Variants in ZNF385B observed in about 807,000 individuals in gnomAD.
The protein encoded by ZNF385B is zinc finger protein 385B.
A neutral mutation model predicts 39.2 loss-of-function variants in ZNF385B; 23 were observed. That is an observed-to-expected ratio of 0.59 (90% confidence interval 0.42 to 0.83). The LOEUF (loss-of-function observed/expected upper bound fraction) is 0.83. Among genes scored for constraint, ZNF385B ranks in the 40% least tolerant of loss-of-function variants. The probability of loss-of-function intolerance (pLI) is 0.00; values close to 1 mark genes in which losing one functional copy is unlikely to be tolerated. For synonymous variants in ZNF385B, 205 were observed against 222.6 expected (o/e 0.92, Z 0.70); for missense variants, 552 against 598.9 (o/e 0.92, Z 0.82).
chr2:179,483,172 C>T (rs1424124500), intron 6 of ZNF385B, 100 bp downstream of exon 6: 2 of 1,329,148 alleles, frequency 1.5e-6, no homozygotes, highest in Admixed American at 4.3e-5. Context: ...AAAAACAAAT[C>T]ATGGAGAGTA....
chr2:179,722,569 G>A (rs892144587), intron 3 of ZNF385B, among the ~76,000 whole-genome samples: 1 of 151,978 alleles, frequency 6.6e-6, no homozygotes, highest in African/African-American at 2.4e-5. Context: ...AAAATTGACT[G>A]CACAAAAACA....
intron 3 of ZNF385B, among the ~76,000 whole-genome samples, chr2:179,712,995 A>G (rs1226415239): frequency 1.3e-5 from 2 of 152,208 alleles, no homozygotes; most frequent in Non-Finnish European, 2.9e-5. Context: ...AGTGAGCCAC[A>G]GCATCCAGTC....
intron 5 of ZNF385B, among the ~76,000 whole-genome samples, chr2:179,502,296 T>C (rs1015600115): frequency 3.9e-5 from 6 of 152,124 alleles, no homozygotes; most frequent in Non-Finnish European, 8.8e-5. Flanking sequence ...GAAGGCATGA[T>C]TGTGCTTTGA....
intron 3 of ZNF385B, among the ~76,000 whole-genome samples, chr2:179,636,211 A>G (rs1691737042): frequency 6.6e-6 from 1 of 152,176 alleles, no homozygotes. Context: ...TTTCTCCTTT[A>G]CTGACTACAT....
chr2:179,570,343 C>T (rs980064050), intron 3 of ZNF385B, among the ~76,000 whole-genome samples: 4 of 152,126 alleles, frequency 2.6e-5, no homozygotes, highest in Non-Finnish European at 4.4e-5. Context: ...GTGATCTATT[C>T]TTTAATAAAA....
chr2:179,652,880 TTTCTAGA>T lies in ZNF385B; in HGVS notation c.299-107918_299-107912del, dbSNP rs548911677. Among the ~76,000 whole-genome samples, 19 of 150,438 alleles carry T rather than the reference TTTCTAGA, an allele frequency of 1.3e-4. No individual in the cohort carries two copies. In the East Asian group the frequency reaches 3.1e-3, roughly 25 times the overall value. On this transcript the variant is annotated intron_variant, in intron 3 of 9. Transcript: ENST00000410066. The stretch of plus-strand genomic sequence containing the variant: ...AAAAAAATCATCAGAAGATTAAGGA[TTTCTAGA>T]AGAGTCTCTGAGTTCTTAAAGTCTT...
intron 3 of ZNF385B, among the ~76,000 whole-genome samples, chr2:179,686,400 T>C (rs1045270524): frequency 6.6e-6 from 1 of 152,200 alleles, no homozygotes; most frequent in Non-Finnish European, 1.5e-5. Flanking sequence ...TTATAAAAAT[T>C]CAATAAAATT....
intron 3 of ZNF385B, among the ~76,000 whole-genome samples, chr2:179,723,346 C>T (rs866611521): frequency 2.0e-5 from 3 of 151,874 alleles, no homozygotes; most frequent in Non-Finnish European, 2.9e-5. Flanking sequence ...TATGTATATA[C>T]GTGAATGTTC....
chr2:179,596,170 T>G (rs1248147966), intron 3 of ZNF385B, among the ~76,000 whole-genome samples: 1 of 152,124 alleles, frequency 6.6e-6, no homozygotes, highest in African/African-American at 2.4e-5. Context: ...AGGTTAGAAG[T>G]CTGAGTGGGT....
At chr2:179,807,537 C>T (rs374926909) in intron 1 of ZNF385B, among the ~76,000 whole-genome samples, 2 of 152,154 alleles carry the variant, frequency 1.3e-5, no homozygotes, top group South Asian at 2.1e-4. Context: ...GAGCCAAGAT[C>T]TTACCACTGC....
chr2:179,484,376 C>G (rs2054336888), intron 5 of ZNF385B, among the ~76,000 whole-genome samples: 1 of 151,292 alleles, frequency 6.6e-6, no homozygotes, highest in African/African-American at 2.4e-5. Context: ...TGAAAAGAAA[C>G]AAAACTAAAC....
intron 3 of ZNF385B, among the ~76,000 whole-genome samples, chr2:179,694,637 G>T (rs1201837623): frequency 6.6e-6 from 1 of 152,104 alleles, no homozygotes; most frequent in Non-Finnish European, 1.5e-5. Context: ...GCTTTTGAAA[G>T]AAGACATCTG....
chr2:179,444,888 C>A lies in ZNF385B; in HGVS notation c.1230G>T (p.Pro410=). The change falls in exon 9 of 10, where the codon CCG becomes CCT. Residue 410 remains proline (P), a synonymous_variant. Coordinates refer to ENST00000410066, the MANE Select transcript of ZNF385B (RefSeq NM_152520.6). The part of the protein sequence containing the change: ...YSPYNKLQRS[P]SILAAKLAFQ... ...GAGGTAAACTTACTGCTAGAATACT[C>A]GGGCTCCGCTGGAGTTTGTTGTAAG... is the stretch of plus-strand genomic sequence containing the variant. 1 of 1,614,008 alleles carries A rather than the reference C, an allele frequency of 6.2e-7. No homozygotes were observed. The highest frequency in any genetic ancestry group is 1.1e-5 in the South Asian group (1 of 91,062).
chr2:179,600,807 C>G (rs1228020243), intron 3 of ZNF385B, among the ~76,000 whole-genome samples: 3 of 152,152 alleles, frequency 2.0e-5, no homozygotes, highest in African/African-American at 7.2e-5. Flanking sequence ...ATTTACTTTT[C>G]TTCCTCCATT....
chr2:179,572,239 A>AAGG lies in ZNF385B; in HGVS notation c.299-27271_299-27270insCCT, dbSNP rs1685303702. On this transcript the variant is annotated intron_variant, in intron 3 of 9. Transcript: ENST00000410066. ...GAATAAAAAAATCCATGTATTCAAA[A>AAGG]TCCAACTGATTTTCAACGATGGCTA... Among the ~76,000 whole-genome samples the AAGG allele has an allele frequency of 2.0e-4, 30 of 152,208 alleles. 1 individual carries two copies. The highest frequency in any genetic ancestry group is 1.9e-3 in the Admixed American group (29 of 15,280).
At chr2:179,848,243 G>T (rs1026460608) in intron 1 of ZNF385B, among the ~76,000 whole-genome samples, 1 of 152,162 alleles carries the variant, frequency 6.6e-6, no homozygotes, top group Admixed American at 6.5e-5. Context: ...GTTTACTCAG[G>T]ACTGAAATTT....
At chr2:179,851,139 C>T (rs532603790) in intron 1 of ZNF385B, among the ~76,000 whole-genome samples, 4 of 152,304 alleles carry the variant, frequency 2.6e-5, no homozygotes, top group African/African-American at 9.6e-5. Flanking sequence ...TACCATTGAG[C>T]CCTTCCCTAC....
intron 3 of ZNF385B, among the ~76,000 whole-genome samples, chr2:179,696,070 G>C (rs1698713456): frequency 6.6e-6 from 1 of 152,144 alleles, no homozygotes. Context: ...AAAATCTATA[G>C]AGACAGAAAG....
chr2:179,494,647 T>C (rs1461194810), intron 5 of ZNF385B, among the ~76,000 whole-genome samples: 1 of 151,982 alleles, frequency 6.6e-6, no homozygotes, highest in Non-Finnish European at 1.5e-5. Flanking sequence ...ATTACGTAGT[T>C]AAAAGTATAA....
Sources: allele counts gnomAD v4.1 joint callset (sites outside exome capture counted in the v4.1 genomes callset), GRCh38; gene constraint gnomAD v4.1.1; transcripts MANE v1.5; gene names NCBI Gene and HGNC (gene_info 2026-07-23, HGNC 2026-07-21).